The following ZDHHC8 variants were observed in gnomAD, a reference collection of about 807,000 sequenced individuals.
ZDHHC8 encodes the protein palmitoyltransferase ZDHHC8.
ZDHHC8 carries 24 observed loss-of-function variants against 61.2 expected under a neutral mutation model. That is an observed-to-expected ratio of 0.39 (90% CI 0.28 to 0.55). The LOEUF (loss-of-function observed/expected upper bound fraction) is 0.55. ZDHHC8 is among the 20% of genes least tolerant of loss of function. The pLI is 0.60. For missense variants in ZDHHC8, 935 were observed against 1,102.1 expected, an observed-to-expected ratio of 0.85 and a Z score of 2.15; for synonymous variants, 523 against 492.5, an observed-to-expected ratio of 1.06 and a Z score of -0.82.
In ZDHHC8 at chr22:20,145,681, C is replaced by G; in HGVS notation, c.*281C>G. On this transcript the variant is annotated 3_prime_UTR_variant, in exon 11 of 11. Coordinates refer to ENST00000334554, the MANE Select transcript of ZDHHC8 (RefSeq NM_013373.4). Reference sequence around the variant, plus strand: ...GGCTGGGGCAGTGAGGGGGCCCAGTCAGCCTCTTTGGGGCACCCTCTCTCA... The same window carrying G: ...GGCTGGGGCAGTGAGGGGGCCCAGTGAGCCTCTTTGGGGCACCCTCTCTCA... The G allele has an allele frequency of 9.3e-7, 1 of 1,079,910 alleles. No homozygotes were observed. The highest frequency in any genetic ancestry group is 1.7e-5 in the African/African-American group (1 of 60,588). The allele number at this position is 1,079,910 out of a possible 1,614,324, so 66.9% of individuals were successfully genotyped here.
In ZDHHC8 at chr22:20,140,898, G is replaced by A. The variant is rs758263286; in HGVS notation, c.780G>A (p.Pro260=). 7 of 1,604,608 alleles carry A rather than the reference G, an allele frequency of 4.4e-6. No individual in the cohort carries two copies. The highest frequency in any genetic ancestry group is 2.5e-6 in the Non-Finnish European group (3 of 1,179,952). ...PRYVVEPPRL[P]LAVSLKPPFL... ...ACGTGGTGGAGCCACCCCGGCTGCCGCTCGCGGTGAGTTTGAAGCCGCCTT... is the reference window on the plus strand; with the variant it reads ...ACGTGGTGGAGCCACCCCGGCTGCCACTCGCGGTGAGTTTGAAGCCGCCTT... The change falls in exon 7 of 11, where the codon CCG becomes CCA. Residue 260 remains proline (P), a synonymous_variant. Coordinates refer to ENST00000334554, the MANE Select transcript of ZDHHC8 (RefSeq NM_013373.4).
Position 20,145,622 on chromosome 22 carries a change from C to T in ZDHHC8, c.*222C>T. The stretch of plus-strand genomic sequence containing the variant: ...GGAAGTCGGCTCACTGGGACAAGGG[C>T]CACTGGGCTGGTCTGTGTCTGGGCC... On this transcript the variant is annotated 3_prime_UTR_variant, in exon 11 of 11. Transcript: ENST00000334554. The T allele has an allele frequency of 8.2e-7, 1 of 1,212,266 alleles. No individual in the cohort carries two copies. Among genetic ancestry groups the T allele is most frequent in the Non-Finnish European group, 1.0e-6 (1 of 971,494 alleles). The allele number at this position is 1,212,266 out of a possible 1,614,324, so 75.1% of individuals were successfully genotyped here.
chr22:20,136,918 C>T (rs2050426134), intron 1 of ZDHHC8, among the ~76,000 whole-genome samples: 1 of 152,208 alleles, frequency 6.6e-6, no homozygotes, highest in Non-Finnish European at 1.5e-5. Flanking sequence ...CCTGCGTGTG[C>T]TCCTCATCTT....
chr22:20,140,066 G>C lies in ZDHHC8; in HGVS notation c.558-49G>C. 4 of 1,605,694 alleles carry C rather than the reference G, an allele frequency of 2.5e-6. No homozygotes were observed. In the South Asian group the frequency reaches 4.4e-5, roughly 18 times the overall value. ...ACAGGCACCTGCTCTGTGCTGCTGC[G>C]ATGGGGTCTGCGGTGTCCTGGCCTG... On this transcript the variant is annotated intron_variant, in intron 4 of 10. Transcript: ENST00000334554.
rs747157720 is a variant in ZDHHC8, at chr22:20,141,223, G to A, written c.901G>A (p.Gly301Ser). ...TGACCCCGCTCCCTCCCAGTCCAAGGGCAGCCTGGACCGGCTGGATGAGAA... is the reference window on the plus strand; with the variant it reads ...TGACCCCGCTCCCTCCCAGTCCAAGAGCAGCCTGGACCGGCTGGATGAGAA... ...KAGLGRSKSK[G>S]SLDRLDEKPL... Residue 301 changes from glycine to serine, a missense_variant, in exon 8 of 11, where the codon GGC becomes AGC. By Grantham distance (56) the Gly-to-Ser change is moderately conservative. Around this residue, in one of 3 missense-constraint regions of ZDHHC8, gnomAD observed 692 missense variants for 731.4 expected, o/e 0.95. Transcript: ENST00000334554. 46 of 1,611,434 alleles carry A rather than the reference G, an allele frequency of 2.9e-5. No individual in the cohort carries two copies. In the East Asian group the frequency reaches 9.8e-4, roughly 34 times the overall value.
In ZDHHC8 at chr22:20,143,686, G is replaced by A. The variant is rs2050496864; in HGVS notation, c.2056G>A (p.Ala686Thr). The A allele has an allele frequency of 1.9e-6, 3 of 1,610,170 alleles. No homozygotes were observed. The highest frequency in any genetic ancestry group is 1.7e-6 in the Non-Finnish European group (2 of 1,179,536). ...PPGTPHSPSY[A>T]GPKAVAFIHT... ...CGGCACTCCCCACTCACCATCCTAC[G>A]CGGGCCCCAAAGCTGTCGCCTTCAT... The change falls in exon 10 of 11, where the codon GCG becomes ACG. Residue 686 changes from alanine (A) to threonine (T), a missense_variant. By Grantham distance (58) the Ala-to-Thr change is moderately conservative (BLOSUM62 0). Coordinates refer to ENST00000334554, the MANE Select transcript of ZDHHC8 (RefSeq NM_013373.4).
At chr22:20,143,937 G>T (rs919116202) in intron 10 of ZDHHC8, among the ~76,000 whole-genome samples, 181 bp downstream of exon 10, 3 of 152,238 alleles carry the variant, frequency 2.0e-5, no homozygotes, top group Admixed American at 2.0e-4. Flanking sequence ...GTGTGGCCCA[G>T]CTCTGAGGAT....
At chr22:20,135,993 G>A (rs1292402205) in intron 1 of ZDHHC8, among the ~76,000 whole-genome samples, 6 of 152,276 alleles carry the variant, frequency 3.9e-5, no homozygotes, top group East Asian at 1.9e-4. Context: ...CTTGCTCGGC[G>A]GTATCTCCCT....
chr22:20,141,979 T>C (rs1350352543), intron 9 of ZDHHC8, among the ~76,000 whole-genome samples: 3 of 152,228 alleles, frequency 2.0e-5, no homozygotes, highest in Non-Finnish European at 4.4e-5. Flanking sequence ...CTGAGTTGCA[T>C]GAGTGCTCTG....
rs367967181 is a variant in ZDHHC8 at position 20,139,642 on chromosome 22, G to T, written c.384+7G>T. ...CTGTGACAACTGTGTAGAGGTGACC[G>T]CCCTGCTGCCCCGCGCTCCCCCAGC... On this transcript the variant is annotated splice_region_variant and intron_variant, in intron 3 of 10. Coordinates refer to ENST00000334554, the MANE Select transcript of ZDHHC8 (RefSeq NM_013373.4). 6.2e-7 allele frequency: 1 copy of T among 1,612,144 alleles called. No homozygotes were observed. Among genetic ancestry groups the T allele is most frequent in the Non-Finnish European group, 8.5e-7 (1 of 1,179,770 alleles).
chr22:20,137,105 A>G (rs940958768), intron 1 of ZDHHC8, among the ~76,000 whole-genome samples: 1 of 151,972 alleles, frequency 6.6e-6, no homozygotes, highest in African/African-American at 2.4e-5. Flanking sequence ...AGCCTCCCCA[A>G]CCCCTGGATT....
In ZDHHC8 at chr22:20,140,216, A is replaced by C; in HGVS notation, c.659A>C (p.Gln220Pro). The change falls in exon 5 of 11, where the codon CAG becomes CCG. Residue 220 changes from glutamine (Q) to proline (P), a missense_variant and splice_region_variant. By Grantham distance (76) the Gln-to-Pro change is moderately conservative. This residue lies in a region of ZDHHC8 where 199 missense variants were observed against 334.0 expected (regional missense o/e 0.60). Coordinates refer to ENST00000334554, the MANE Select transcript of ZDHHC8 (RefSeq NM_013373.4). The part of the protein sequence containing the change: ...LVTRGRTTNE[Q>P]VTGKFRGGVN... ...ACTCGGGGGCGCACCACCAACGAGC[A>C]GGTGCAGACCCCATGGGGGATGGGT... 1 of 1,611,532 alleles carries C rather than the reference A, an allele frequency of 6.2e-7. No individual in the cohort carries two copies. Among genetic ancestry groups the C allele is most frequent in the Non-Finnish European group, 8.5e-7 (1 of 1,179,674 alleles).
intron 5 of ZDHHC8, 25 bp from the exon 6 acceptor site, chr22:20,140,592 C>G: frequency 6.3e-7 from 1 of 1,575,678 alleles, no homozygotes; most frequent in East Asian, 2.3e-5. Flanking sequence ...GGAGGCCAGG[C>G]TGGCTGAGGG....
intron 9 of ZDHHC8, 51 bp from the exon 10 acceptor site, chr22:20,142,705 C>T (rs779913407): frequency 6.2e-7 from 1 of 1,607,114 alleles, no homozygotes; most frequent in South Asian, 1.1e-5. Flanking sequence ...TGACTGGCGG[C>T]TGCAGGCGGG....
rs1159578984 is a variant in ZDHHC8, at chr22:20,145,455, CA to C, written c.*56del. On this transcript the variant is annotated 3_prime_UTR_variant, in exon 11 of 11. Transcript: ENST00000334554. The stretch of plus-strand genomic sequence containing the variant: ...CCACGGGGACCAGGACCCCACAGCG[CA>C]CCCCCCCTCCCCACCAACTTCTCTG... 3 of 1,360,068 alleles carry C rather than the reference CA, an allele frequency of 2.2e-6. No individual in the cohort carries two copies. Among genetic ancestry groups the C allele is most frequent in the Non-Finnish European group, 1.9e-6 (2 of 1,054,416 alleles). The allele number at this position is 1,360,068 out of a possible 1,614,324, so 84.3% of individuals were successfully genotyped here.
chr22:20,139,018 C>T lies in ZDHHC8; in HGVS notation c.105-176C>T, dbSNP rs193018426. 4.9e-4 allele frequency among the ~76,000 whole-genome samples: 74 copies of T among 152,308 alleles called. 1 individual carries two copies. Among genetic ancestry groups the T allele is most frequent in the Admixed American group, 3.8e-3 (58 of 15,310 alleles). On this transcript the variant is annotated intron_variant, in intron 1 of 10. Coordinates refer to ENST00000334554, the MANE Select transcript of ZDHHC8 (RefSeq NM_013373.4). The stretch of plus-strand genomic sequence containing the variant: ...TGTACTGATACGCACAGCCTCTGGC[C>T]GTTACTCGAAGGAGCGATGTGGCTG...
chr22:20,132,537 C>T (rs1041650882), intron 1 of ZDHHC8, among the ~76,000 whole-genome samples: 2 of 152,240 alleles, frequency 1.3e-5, no homozygotes. Context: ...CTCGTTGCCA[C>T]GTGCCTGCCC....
Position 20,141,311 on chromosome 22 carries a change from T to C in ZDHHC8, c.989T>C (p.Leu330Pro). Residue 330 changes from leucine (L) to proline (P), a missense_variant, in exon 8 of 11, where the codon CTG (leucine) becomes CCG (proline). Leu to Pro is a moderately conservative substitution (Grantham distance 98). Transcript: ENST00000334554. ...KIEAGTFSSD[L>P]QTPRPGSAES... ...GAGGCTGGCACGTTCAGCAGTGACC[T>C]GCAGACCCCGCGCCCAGGCAGTGCT... 6.2e-7 allele frequency: 1 copy of C among 1,612,738 alleles called. No homozygotes were observed. Among genetic ancestry groups the C allele is most frequent in the Non-Finnish European group, 8.5e-7 (1 of 1,179,874 alleles).
chr22:20,142,860 G>T lies in ZDHHC8; in HGVS notation c.1230G>T (p.Leu410=), dbSNP rs1475583873. 3.1e-6 allele frequency: 5 copies of T among 1,612,346 alleles called. No individual in the cohort carries two copies. The highest frequency in any genetic ancestry group is 4.2e-6 in the Non-Finnish European group (5 of 1,179,820). ...LDLPDYGPGG[L]HAAYPPSPPL... is the part of the protein sequence containing the mutation. The stretch of plus-strand genomic sequence containing the variant: ...TCCCTGACTATGGGCCAGGGGGCCT[G>T]CATGCAGCCTACCCGCCATCCCCAC... The change falls in exon 10 of 11, where the codon CTG becomes CTT. Residue 410 remains leucine (L), a synonymous_variant. Coordinates refer to ENST00000334554, the MANE Select transcript of ZDHHC8 (RefSeq NM_013373.4).
Sources: allele counts gnomAD v4.1 joint callset (sites outside exome capture counted in the v4.1 genomes callset), GRCh38; gene constraint gnomAD v4.1.1; regional missense constraint gnomAD v4.1.1; transcripts MANE v1.5; gene names NCBI Gene and HGNC (gene_info 2026-07-23, HGNC 2026-07-21).